The following POM121C variants were observed in gnomAD, a reference collection of about 807,000 sequenced individuals.
The protein encoded by POM121C is nuclear envelope pore membrane protein POM 121C.
A neutral mutation model predicts 66.4 loss-of-function variants in POM121C; 20 were observed. The observed-to-expected ratio is 0.30, with a 90% CI of 0.21 to 0.44. The LOEUF is 0.44. Among genes scored for constraint, POM121C ranks in the 20% least tolerant of loss-of-function variants. The pLI is 1.00. For synonymous variants in POM121C, 286 were observed against 528.0 expected (o/e 0.54, Z 6.28); for missense variants, 580 against 1,225.7 (o/e 0.47, Z 7.87).
At chr7:75,439,712 T>G (rs782818341) in intron 5 of POM121C, among the ~76,000 whole-genome samples, 1 of 151,762 alleles carries the variant, frequency 6.6e-6, no homozygotes, top group Non-Finnish European at 1.5e-5. Flanking sequence ...CCCTCAAGAG[T>G]CCCATGAGAG....
chr7:75,440,812 G>C lies in POM121C; in HGVS notation c.227+142C>G, dbSNP rs1241727896. The C allele has an allele frequency of 4.3e-6, 6 of 1,383,014 alleles. No individual in the cohort carries two copies. In the African/African-American group the frequency reaches 4.4e-5, roughly 10 times the overall value. The allele number at this position is 1,383,014 out of a possible 1,614,324, so 85.7% of individuals were successfully genotyped here. A position where few individuals can be genotyped will look rare whatever the true frequency, so the allele number is the denominator to read the frequency against. On this transcript the variant is annotated intron_variant, in intron 5 of 14. Transcript: ENST00000615331. ...ACAGCATTAAAACCCTTGTTATTAG[G>C]TTCTCTCATGAAAGCCAAAGAAGGA...
intron 3 of POM121C, among the ~76,000 whole-genome samples, chr7:75,468,590 AT>A (rs1554478193): frequency 6.6e-6 from 1 of 152,084 alleles, no homozygotes; most frequent in Non-Finnish European, 1.5e-5. Context: ...AAGTGTTGGG[AT>A]TACAGGCGTG....
At chr7:75,469,101 CTTTT>C (rs782685382) in intron 3 of POM121C, among the ~76,000 whole-genome samples, 2 of 143,536 alleles carry the variant, frequency 1.4e-5, no homozygotes, top group East Asian at 4.0e-4. Flanking sequence ...GGTCTACTTT[CTTTT>C]TTTTTTTTTT....
At chr7:75,429,593 T>C (rs776549804) in intron 7 of POM121C, among the ~76,000 whole-genome samples, 4 of 152,204 alleles carry the variant, frequency 2.6e-5, no homozygotes, top group Non-Finnish European at 5.9e-5. Context: ...ATTGTGCCAC[T>C]GCACTCCAGC....
Position 75,461,935 on chromosome 7 carries a change from A to G in POM121C, c.-152+12769T>C, listed in dbSNP as rs587659810. On this transcript the variant is annotated intron_variant, in intron 3 of 14. Transcript: ENST00000615331. ...GTGAAAATATAACATGTTGACTGGT[A>G]TCAGCAAAAATGGCAGAGTAGGTAT... is the stretch of plus-strand genomic sequence containing the variant. Among the ~76,000 whole-genome samples, 117 of 149,978 alleles carry G rather than the reference A, an allele frequency of 7.8e-4. 1 individual carries two copies. Among genetic ancestry groups the G allele is most frequent in the African/African-American group, 2.8e-3 (111 of 40,240 alleles).
intron 3 of POM121C, among the ~76,000 whole-genome samples, chr7:75,470,510 G>A (rs1227615293): frequency 6.6e-6 from 1 of 152,120 alleles, no homozygotes; most frequent in African/African-American, 2.4e-5. Flanking sequence ...CCAGGCTGGA[G>A]TGCAGTGGTA....
At chr7:75,426,059 C>A (rs1554471683) in intron 8 of POM121C, among the ~76,000 whole-genome samples, 1 of 150,230 alleles carries the variant, frequency 6.7e-6, no homozygotes, top group African/African-American at 2.4e-5. Flanking sequence ...GAGTCAAGAA[C>A]CTGAAGGCGA....
intron 3 of POM121C, among the ~76,000 whole-genome samples, chr7:75,454,497 G>A (rs1199849631): frequency 3.3e-5 from 5 of 152,084 alleles, no homozygotes; most frequent in African/African-American, 9.7e-5. Context: ...GCTCTGTGCC[G>A]GACCCCCTTA....
chr7:75,441,564 C>T lies in POM121C; in HGVS notation c.-68G>A. 1 of 1,611,990 alleles carries T rather than the reference C, an allele frequency of 6.2e-7. No individual in the cohort carries two copies. On this transcript the variant is annotated 5_prime_UTR_variant, in exon 4 of 15. Transcript: ENST00000615331. ...ATTCCAGCACACTGTGGGAAGTACC[C>T]CCGGACAGGAATACTGGGTCTGATG...
In POM121C at chr7:75,441,467, G is replaced by C; in HGVS notation, c.30C>G (p.Ile10Met). The change falls in exon 4 of 15, where the codon ATC becomes ATG. Residue 10 changes from isoleucine (I) to methionine (M), a missense_variant. Ile to Met is a conservative substitution (Grantham distance 10). Coordinates refer to ENST00000615331, the MANE Select transcript of POM121C (RefSeq NM_001099415.3). Reference protein sequence around the residue: MVCSPVTVRIAPPDRRFSRS... With the variant: MVCSPVTVRMAPPDRRFSRS... ...GTGAAAATCTTCTGTCAGGAGGGGC[G>C]ATCCTCACAGTCACTGGGCTACACA... 1 of 1,613,908 alleles carries C rather than the reference G, an allele frequency of 6.2e-7. No homozygotes were observed. Among genetic ancestry groups the C allele is most frequent in the South Asian group, 1.1e-5 (1 of 91,068 alleles).
chr7:75,465,126 C>T (rs1791580008), intron 3 of POM121C, among the ~76,000 whole-genome samples: 1 of 151,414 alleles, frequency 6.6e-6, no homozygotes, highest in South Asian at 2.1e-4. Flanking sequence ...TCCCAAGTAG[C>T]TGGGATTACA....
intron 10 of POM121C, 77 bp from the exon 11 acceptor site, chr7:75,424,705 T>C (rs1554471464): frequency 1.4e-5 from 22 of 1,575,104 alleles, no homozygotes; most frequent in Non-Finnish European, 1.9e-5. Context: ...ACGCCGGTAA[T>C]CTCAGCACTC....
intron 3 of POM121C, among the ~76,000 whole-genome samples, chr7:75,462,603 C>A (rs1791480641): frequency 6.6e-6 from 1 of 152,124 alleles, no homozygotes; most frequent in African/African-American, 2.4e-5. Context: ...AGACCTTATT[C>A]TCAAAGCATT....
chr7:75,431,915 C>G lies in POM121C; in HGVS notation c.481-5462G>C, dbSNP rs188036214. Among the ~76,000 whole-genome samples, 269 of 152,072 alleles carry G rather than the reference C, an allele frequency of 1.8e-3. 1 individual carries two copies. Among genetic ancestry groups the G allele is most frequent in the Non-Finnish European group, 3.2e-3 (217 of 67,974 alleles). On this transcript the variant is annotated intron_variant, in intron 7 of 14. Coordinates refer to ENST00000615331, the MANE Select transcript of POM121C (RefSeq NM_001099415.3). ...TGCAGTGAGTGCCAATACGGTGCCA[C>G]TGCACTGTAGCTGTAATCCCAGCAC...
At chr7:75,458,695 C>T (rs879969852) in intron 3 of POM121C, among the ~76,000 whole-genome samples, 1 of 152,090 alleles carries the variant, frequency 6.6e-6, no homozygotes, top group Non-Finnish European at 1.5e-5. Context: ...CCTGCTAATA[C>T]AGAATATTTA....
intron 3 of POM121C, among the ~76,000 whole-genome samples, chr7:75,462,317 A>C (rs1791473110): frequency 6.6e-6 from 1 of 152,098 alleles, no homozygotes; most frequent in African/African-American, 2.4e-5. Flanking sequence ...CCATGATTGT[A>C]AGTCTCCTGA....
intron 1 of POM121C, among the ~76,000 whole-genome samples, chr7:75,484,786 T>G (rs1792454127): frequency 6.6e-6 from 1 of 152,166 alleles, no homozygotes; most frequent in Non-Finnish European, 1.5e-5. Flanking sequence ...ACAAATAGTC[T>G]GCCATCATCA....
Position 75,441,413 on chromosome 7 carries a change from T to G in POM121C, c.65+19A>C. On this transcript the variant is annotated intron_variant, in intron 4 of 14. Transcript: ENST00000615331. ...GTGGACACGAAAAGGGAGAGTATTC[T>G]TCCAACGATAATACTCACATCGCAG... 1 of 1,613,402 alleles carries G rather than the reference T, an allele frequency of 6.2e-7. No individual in the cohort carries two copies. Among genetic ancestry groups the G allele is most frequent in the Non-Finnish European group, 8.5e-7 (1 of 1,179,676 alleles).
chr7:75,458,149 C>CAAGTGTGA (rs1305145881), intron 3 of POM121C, among the ~76,000 whole-genome samples: 7 of 152,006 alleles, frequency 4.6e-5, no homozygotes, highest in African/African-American at 1.7e-4. Context: ...CCATGCCCTC[C>CAAGTGTGA]AAGTGCCCAT....
Sources: allele counts gnomAD v4.1 joint callset (sites outside exome capture counted in the v4.1 genomes callset), GRCh38; gene constraint gnomAD v4.1.1; transcripts MANE v1.5; gene names NCBI Gene and HGNC (gene_info 2026-07-23, HGNC 2026-07-21).